The following SLC8A1 variants were observed in gnomAD, a reference collection of about 807,000 sequenced individuals.
SLC8A1 encodes the protein sodium/calcium exchanger 1.
Under a neutral mutation model 68.3 loss-of-function variants are expected in SLC8A1, and 18 were observed. The ratio of observed to expected loss-of-function variants is 0.26; its 90% CI spans 0.18 to 0.39. The LOEUF (loss-of-function observed/expected upper bound fraction) is 0.39. Ranked by LOEUF, SLC8A1 falls within the 10% of genes least tolerant of loss-of-function variation. The pLI is 1.00. For missense variants in SLC8A1, 985 were observed against 1,156.7 expected, an observed-to-expected ratio of 0.85 and a Z score of 2.15; for synonymous variants, 475 against 415.5, an observed-to-expected ratio of 1.14 and a Z score of -1.74.
At chr2:40,253,388 C>G (rs1300998665) in intron 2 of SLC8A1, among the ~76,000 whole-genome samples, 1 of 151,410 alleles carries the variant, frequency 6.6e-6, no homozygotes, top group Non-Finnish European at 1.5e-5. Flanking sequence ...AAAATCCTGT[C>G]ATTTGCAGCA....
chr2:40,393,100 T>C (rs1488864110), intron 2 of SLC8A1, among the ~76,000 whole-genome samples: 2 of 152,086 alleles, frequency 1.3e-5, no homozygotes, highest in African/African-American at 4.8e-5. Context: ...TTAAAAAATA[T>C]GTAAACTGTC....
At chr2:40,495,952 C>G (rs1002437740) in intron 1 of SLC8A1, among the ~76,000 whole-genome samples, 5 of 152,052 alleles carry the variant, frequency 3.3e-5, no homozygotes, top group Admixed American at 2.6e-4. Flanking sequence ...AAAAAATTAT[C>G]TATCTGTCTA....
intron 2 of SLC8A1, among the ~76,000 whole-genome samples, chr2:40,289,539 C>CA (rs1211556636): frequency 1.3e-5 from 2 of 151,384 alleles, no homozygotes; most frequent in African/African-American, 2.4e-5. Context: ...AGAAAGGTAA[C>CA]AAAAAAAAGT....
chr2:40,338,574 C>T lies in SLC8A1; in HGVS notation c.1808+89899G>A, dbSNP rs562735356. Among the ~76,000 whole-genome samples the T allele has an allele frequency of 3.3e-5, 5 of 152,204 alleles. No homozygotes were observed. The South Asian group carries it at 6.2e-4, about 19-fold the overall frequency. ...AAACATCCTCATATGGCATCTGACCCTACTGAAATCATTCAACAAATACAA... is the reference window on the plus strand; with the variant it reads ...AAACATCCTCATATGGCATCTGACCTTACTGAAATCATTCAACAAATACAA... On this transcript the variant is annotated intron_variant, in intron 2 of 7. Transcript: ENST00000406785.
intron 2 of SLC8A1, among the ~76,000 whole-genome samples, chr2:40,185,672 TTGTAG>T (rs2050571080): frequency 1.3e-5 from 2 of 152,148 alleles, no homozygotes; most frequent in Admixed American, 1.3e-4. Context: ...CTAAAATTGA[TTGTAG>T]TGATGGTTGC....
intron 6 of SLC8A1, among the ~76,000 whole-genome samples, chr2:40,160,145 C>T (rs982729397): frequency 3.3e-5 from 5 of 152,168 alleles, no homozygotes; most frequent in Admixed American, 3.3e-4. Context: ...TTTGACAATA[C>T]AGGAAGAGCA....
At chr2:40,115,429 T>C in exon 8 of SLC8A1, 1 of 1,614,044 alleles carries the variant, frequency 6.2e-7, no homozygotes, top group East Asian at 2.2e-5. Context: ...AAAGCAAAAA[T>C]GGTGAAGAGA....
At chr2:40,196,748 A>G (rs538160405) in intron 2 of SLC8A1, among the ~76,000 whole-genome samples, 193 of 152,150 alleles carry the variant, frequency 1.3e-3, no homozygotes, top group Non-Finnish European at 2.4e-4. Context: ...CACTCCCCAC[A>G]TTTAAACCGC....
rs1157239223 is a variant in SLC8A1, at chr2:40,378,337, AG to A, written c.1808+50135del. Among the ~76,000 whole-genome samples the A allele has an allele frequency of 5.3e-5, 8 of 152,136 alleles. No homozygotes were observed. The East Asian group carries it at 1.4e-3, about 26-fold the overall frequency. On this transcript the variant is annotated intron_variant, in intron 2 of 7. Transcript: ENST00000406785. Reference sequence around the variant, plus strand: ...GGAGTGAGTTAAGCAGGTATGTGGAAGAAAATTGTTCCAGGCAGAAGGATGA... The same window carrying A: ...GGAGTGAGTTAAGCAGGTATGTGGAAAAAATTGTTCCAGGCAGAAGGATGA...
At chr2:40,503,097 G>T (rs564184449) in intron 1 of SLC8A1, among the ~76,000 whole-genome samples, 14 of 152,072 alleles carry the variant, frequency 9.2e-5, no homozygotes, top group Admixed American at 2.6e-4. Context: ...AATTCCTTGA[G>T]CTGCATAATC....
chr2:40,449,144 A>G (rs192817995), intron 1 of SLC8A1, among the ~76,000 whole-genome samples: 3 of 149,360 alleles, frequency 2.0e-5, no homozygotes, highest in Non-Finnish European at 4.4e-5. Flanking sequence ...CTGAATTGCA[A>G]CATTAAAAAA....
rs1321699811 is a variant in SLC8A1, at chr2:40,312,205, T to C, written c.1808+116268A>G. Among the ~76,000 whole-genome samples the C allele has an allele frequency of 2.0e-5, 3 of 152,202 alleles. 1 individual carries two copies. The highest frequency in any genetic ancestry group is 4.1e-4 in the South Asian group (2 of 4,832). ...AGCACACTTGCTGAGCTTATTGTTATCCACCTTTACCTCATAGGAAAGCCC... is the reference window on the plus strand; with the variant it reads ...AGCACACTTGCTGAGCTTATTGTTACCCACCTTTACCTCATAGGAAAGCCC... On this transcript the variant is annotated intron_variant, in intron 2 of 7. Coordinates refer to ENST00000406785, the Ensembl canonical transcript of SLC8A1.
chr2:40,180,251 C>G (rs543994940), intron 2 of SLC8A1, among the ~76,000 whole-genome samples: 1 of 152,084 alleles, frequency 6.6e-6, no homozygotes, highest in East Asian at 1.9e-4. Context: ...AAAAATTATT[C>G]TGCTGTGACT....
intron 2 of SLC8A1, among the ~76,000 whole-genome samples, chr2:40,403,219 T>C (rs1689276033): frequency 6.6e-6 from 1 of 152,232 alleles, no homozygotes; most frequent in Non-Finnish European, 1.5e-5. Context: ...GTACAGCATG[T>C]CAATTCACCT....
At chr2:40,274,101 G>C (rs1177568668) in intron 2 of SLC8A1, among the ~76,000 whole-genome samples, 1 of 150,566 alleles carries the variant, frequency 6.6e-6, no homozygotes, top group Admixed American at 6.7e-5. Flanking sequence ...TCATTTCCTT[G>C]GCTGAAGAGT....
intron 2 of SLC8A1, among the ~76,000 whole-genome samples, chr2:40,211,350 T>C (rs575331332): frequency 2.0e-5 from 3 of 152,202 alleles, no homozygotes; most frequent in African/African-American, 4.8e-5. Context: ...GAGAAGCCAG[T>C]AGGACTTCAA....
chr2:40,172,106 G>A (rs1323223490), intron 4 of SLC8A1, among the ~76,000 whole-genome samples: 1 of 152,202 alleles, frequency 6.6e-6, no homozygotes, highest in Non-Finnish European at 1.5e-5. Flanking sequence ...GCATCTCAAA[G>A]CCTTGACTTT....
At chr2:40,511,445 C>T (rs1706721467) in intron 1 of SLC8A1, among the ~76,000 whole-genome samples, 1 of 152,076 alleles carries the variant, frequency 6.6e-6, no homozygotes, top group African/African-American at 2.4e-5. Flanking sequence ...TAGCTGGAGT[C>T]GCATTTCAAA....
chr2:40,332,438 C>T (rs567620226), intron 2 of SLC8A1, among the ~76,000 whole-genome samples: 2 of 89,460 alleles, frequency 2.2e-5, no homozygotes, highest in Non-Finnish European at 4.4e-5. Context: ...AGGACGGGGG[C>T]GGGGGGCGGT....
Sources: gnomAD v4.1 joint callset for allele counts (sites outside exome capture counted in the v4.1 genomes callset) on GRCh38, gnomAD v4.1.1 for gene constraint, MANE v1.5 for transcripts, NCBI Gene and HGNC (gene_info 2026-07-23, HGNC 2026-07-21) for gene names.